The following ARHGAP26 variants were observed in gnomAD, a reference collection of about 807,000 sequenced individuals.
ARHGAP26 encodes Rho GTPase activating protein 26.
ARHGAP26 carries 38 observed loss-of-function variants against 104.8 expected under a neutral mutation model. The ratio of observed to expected loss-of-function variants is 0.36; its 90% CI spans 0.28 to 0.48. The LOEUF (loss-of-function observed/expected upper bound fraction) is 0.48, where lower values mean the gene tolerates loss of function less well. ARHGAP26 is among the 20% of genes least tolerant of loss of function. The pLI is 0.99. For synonymous variants in ARHGAP26, 341 were observed against 340.0 expected, an observed-to-expected ratio of 1.00 and a Z score of -0.03; for missense variants, 704 against 947.9, an observed-to-expected ratio of 0.74 and a Z score of 3.38.
At chr5:143,062,156 A>G (rs1335729828) in intron 17 of ARHGAP26, among the ~76,000 whole-genome samples, 1 of 152,228 alleles carries the variant, frequency 6.6e-6, no homozygotes, top group African/African-American at 2.4e-5. Flanking sequence ...ATCAAGATAT[A>G]TAGGACAAAA....
chr5:143,117,384 C>T (rs529450386), intron 17 of ARHGAP26, among the ~76,000 whole-genome samples: 10 of 152,232 alleles, frequency 6.6e-5, no homozygotes, highest in African/African-American at 1.7e-4. Context: ...CCTTTCTGTC[C>T]GGGATACATA....
At chr5:143,050,870 A>G (rs1784915169) in intron 14 of ARHGAP26, among the ~76,000 whole-genome samples, 1 of 152,202 alleles carries the variant, frequency 6.6e-6, no homozygotes, top group Middle Eastern at 3.2e-3. Context: ...AAACACAGAG[A>G]TGGAAGCTCA....
chr5:143,052,468 GA>G (rs924912240), intron 14 of ARHGAP26, among the ~76,000 whole-genome samples: 28 of 142,188 alleles, frequency 2.0e-4, no homozygotes, highest in South Asian at 4.4e-4. Context: ...GACTCTGTCT[GA>G]AAAAAAAAAA....
rs532629703 is a variant in ARHGAP26 at position 143,073,544 on chromosome 5, G to T, written c.1538+15797G>T. ...GCTAATTATTTATTTCCCTATTGGCGGTAGGGGAGAGCATTGGCCCAGCAG... is the reference window on the plus strand; with the variant it reads ...GCTAATTATTTATTTCCCTATTGGCTGTAGGGGAGAGCATTGGCCCAGCAG... On this transcript the variant is annotated intron_variant, in intron 17 of 22. Transcript: ENST00000645722. 7.2e-5 allele frequency among the ~76,000 whole-genome samples: 11 copies of T among 152,302 alleles called. No individual in the cohort carries two copies. The East Asian group carries it at 2.1e-3, about 29-fold the overall frequency.
chr5:143,024,721 A>G (rs1226164712), intron 12 of ARHGAP26, among the ~76,000 whole-genome samples: 1 of 152,130 alleles, frequency 6.6e-6, no homozygotes, highest in Non-Finnish European at 1.5e-5. Context: ...GACCCCATTT[A>G]CAGATGTGAA....
rs747152765 is a variant in ARHGAP26 at position 142,885,339 on chromosome 5, T to C, written c.426T>C (p.Cys142=). 1 of 1,613,926 alleles carries C rather than the reference T, an allele frequency of 6.2e-7. No homozygotes were observed. Among genetic ancestry groups the C allele is most frequent in the East Asian group, 2.2e-5 (1 of 44,884 alleles). The part of the protein sequence containing the change: ...KKYDKETEKY[C]GILEKHLNLS... ...ATGACAAAGAGACAGAAAAGTATTG[T>C]GGCATCTTAGAAAAACACTTGAATT... Residue 142 remains cysteine, a synonymous_variant, in exon 5 of 23, where the codon TGT becomes TGC. Transcript: ENST00000645722.
At chr5:142,920,210 T>C (rs1266808979) in intron 10 of ARHGAP26, among the ~76,000 whole-genome samples, 1 of 152,216 alleles carries the variant, frequency 6.6e-6, no homozygotes, top group Non-Finnish European at 1.5e-5. Flanking sequence ...TGGGACATGA[T>C]TTCAAAGCAG....
chr5:143,059,051 C>T (rs1487602226), intron 17 of ARHGAP26, among the ~76,000 whole-genome samples: 6 of 152,216 alleles, frequency 3.9e-5, no homozygotes, highest in Non-Finnish European at 7.3e-5. Context: ...ACTCCAGATG[C>T]TCTGAGATGA....
chr5:143,037,282 G>A (rs944332830), intron 13 of ARHGAP26, 21 bp downstream of exon 13: 3 of 1,568,536 alleles, frequency 1.9e-6, no homozygotes, highest in African/African-American at 1.3e-5. Flanking sequence ...TTAACAGATG[G>A]CATTGTTCTC....
intron 11 of ARHGAP26, among the ~76,000 whole-genome samples, chr5:143,007,695 G>C (rs1187876931): frequency 6.6e-6 from 1 of 152,214 alleles, no homozygotes; most frequent in African/African-American, 2.4e-5. Context: ...CTATGAAATA[G>C]AGGCAGGTGT....
intron 4 of ARHGAP26, among the ~76,000 whole-genome samples, chr5:142,883,696 G>C (rs1282871980): frequency 6.6e-6 from 1 of 152,226 alleles, no homozygotes; most frequent in African/African-American, 2.4e-5. Context: ...TGCTCCTTCT[G>C]TATTTCACAG....
At chr5:143,216,139 A>C in intron 22 of ARHGAP26, 1 of 471,524 alleles carries the variant, frequency 2.1e-6, no homozygotes, top group Non-Finnish European at 4.4e-6. Context: ...GGGAAAAAGG[A>C]AGAGAAGCCT....
intron 18 of ARHGAP26, 44 bp downstream of exon 18, chr5:143,121,191 G>A: frequency 6.3e-7 from 1 of 1,583,374 alleles, no homozygotes; most frequent in South Asian, 1.1e-5. Flanking sequence ...GTACCTGGGG[G>A]GAAGCTGCAT....
At chr5:143,106,990 A>G (rs538934006) in intron 17 of ARHGAP26, among the ~76,000 whole-genome samples, 1 of 152,268 alleles carries the variant, frequency 6.6e-6, no homozygotes, top group Admixed American at 6.5e-5. Context: ...AGGTTTTGTC[A>G]TATACCTCTG....
rs1414408846 is a variant in ARHGAP26, at chr5:143,012,548, C to CATATATATATATATATATATAT, written c.1108-1529_1108-1528insTATATATATATATATATATATA. On this transcript the variant is annotated intron_variant, in intron 11 of 22. Transcript: ENST00000645722. Reference sequence around the variant, plus strand: ...CTGGAGGGATATATTTATATACATACATACATATATATATATATATATATA... The same window carrying CATATATATATATATATATATAT: ...CTGGAGGGATATATTTATATACATACATATATATATATATATATATATATACATATATATATATATATATATA... Among the ~76,000 whole-genome samples, 169 of 23,274 alleles carry CATATATATATATATATATATAT rather than the reference C, an allele frequency of 7.3e-3. 22 individuals are homozygous for CATATATATATATATATATATAT. The highest frequency in any genetic ancestry group is 0.011 in the Non-Finnish European group (101 of 9,372). 15.3% of individuals were successfully genotyped at this position (23,274 alleles called of 152,430 possible). A position where few individuals can be genotyped will look rare whatever the true frequency, so the allele number is the denominator to read the frequency against.
At chr5:142,953,138 C>T (rs1318861503) in intron 11 of ARHGAP26, among the ~76,000 whole-genome samples, 1 of 152,224 alleles carries the variant, frequency 6.6e-6, no homozygotes, top group Non-Finnish European at 1.5e-5. Context: ...TGAACGCCCA[C>T]ACCAACCAGG....
intron 20 of ARHGAP26, among the ~76,000 whole-genome samples, chr5:143,175,662 G>T (rs1223277501): frequency 1.3e-5 from 2 of 152,128 alleles, no homozygotes; most frequent in Non-Finnish European, 2.9e-5. Flanking sequence ...GGCATATGTG[G>T]GGTGTGGGAA....
intron 11 of ARHGAP26, among the ~76,000 whole-genome samples, chr5:142,984,049 A>G (rs1386639522): frequency 3.3e-5 from 5 of 152,288 alleles, no homozygotes; most frequent in East Asian, 1.9e-4. Flanking sequence ...ACCCAGCTTC[A>G]TTGTGTCTTT....
rs1343863525 is a variant in ARHGAP26, at chr5:142,921,261, T to C, written c.1028+7968T>C. Among the ~76,000 whole-genome samples the C allele has an allele frequency of 2.0e-5, 3 of 152,254 alleles. No homozygotes were observed. In the South Asian group the frequency reaches 6.2e-4, roughly 31 times the overall value. On this transcript the variant is annotated intron_variant, in intron 10 of 22. Coordinates refer to ENST00000645722, the MANE Select transcript of ARHGAP26 (RefSeq NM_001135608.3). The stretch of plus-strand genomic sequence containing the variant: ...TGGGTGTTTAATTAGGTATGTTTTA[T>C]ATACCTCTGTTCAATTCTAAATATC...
Sources: allele counts gnomAD v4.1 joint callset (sites outside exome capture counted in the v4.1 genomes callset), GRCh38; gene constraint gnomAD v4.1.1; transcripts MANE v1.5; gene names NCBI Gene and HGNC (gene_info 2026-07-23, HGNC 2026-07-21).